NRP2: variants seen among roughly 807,000 people sequenced by gnomAD.
NRP2 encodes neuropilin-2.
A neutral mutation model predicts 110.4 loss-of-function variants in NRP2; 52 were observed. That is an observed-to-expected ratio of 0.47 (90% CI 0.38 to 0.59). The LOEUF (loss-of-function observed/expected upper bound fraction) is 0.59, where lower values mean the gene tolerates loss of function less well. Ranked by LOEUF, NRP2 falls within the 20% of genes least tolerant of loss-of-function variation. The pLI is 0.00. For missense variants in NRP2, 1,049 were observed against 1,203.0 expected (o/e 0.87, Z 1.89); for synonymous variants, 508 against 468.9 (o/e 1.08, Z -1.08).
At chr2:205,700,310 G>A (rs375427796) in intron 2 of NRP2, among the ~76,000 whole-genome samples, 4 of 152,148 alleles carry the variant, frequency 2.6e-5, no homozygotes, top group South Asian at 2.1e-4. Flanking sequence ...ATTGGATTTG[G>A]CTCTGCAGGC....
rs554169810 is a variant in NRP2 at position 205,697,884 on chromosome 2, A to G, written c.251+163A>G. On this transcript the variant is annotated intron_variant, in intron 2 of 16. Transcript: ENST00000357785. ...AAACCTCAAGGGGCATTCCCTTTCC[A>G]GGGAAATAAAGGTGTGGCTGATCCC... The G allele has an allele frequency of 4.4e-4, 326 of 743,544 alleles. 6 individuals are homozygous for G. In the South Asian group the frequency reaches 4.7e-3, roughly 11 times the overall value. The allele number at this position is 743,544 out of a possible 1,614,324, so 46.1% of individuals were successfully genotyped here. A position where few individuals can be genotyped will look rare whatever the true frequency, so the allele number is the denominator to read the frequency against.
intron 7 of NRP2, among the ~76,000 whole-genome samples, chr2:205,739,738 GC>G (rs2057407975): frequency 6.7e-6 from 1 of 148,448 alleles, no homozygotes. Flanking sequence ...GGTCCATATG[GC>G]AGTTATTGAT....
rs547358339 is a variant in NRP2 at position 205,729,309 on chromosome 2, C to T, written c.1146+1263C>T. Among the ~76,000 whole-genome samples, 12 of 152,330 alleles carry T rather than the reference C, an allele frequency of 7.9e-5. No homozygotes were observed. The South Asian group carries it at 1.2e-3, about 16-fold the overall frequency. Reference sequence around the variant, plus strand: ...TCTCACACACATGCACACAATTGCCCGATTTCCACGATAAGGAAAGTGAGG... The same window carrying T: ...TCTCACACACATGCACACAATTGCCTGATTTCCACGATAAGGAAAGTGAGG... On this transcript the variant is annotated intron_variant, in intron 7 of 16. Transcript: ENST00000357785.
In NRP2 at chr2:205,795,240, G is replaced by T. The variant is rs113261699; in HGVS notation, c.*182G>T. 1,409 of 691,942 alleles carry T rather than the reference G, an allele frequency of 2.0e-3. 11 individuals are homozygous for T. The African/African-American group carries it at 0.021, about 10-fold the overall frequency. The allele number at this position is 691,942 out of a possible 1,614,324, so 42.9% of individuals were successfully genotyped here. ...GGAAGGGAGATGCAGCCGCACAGGG[G>T]ATGATTACCCTCCTAGGACCGCGGT... On this transcript the variant is annotated 3_prime_UTR_variant, in exon 17 of 17. Transcript: ENST00000357785.
Position 205,795,235 on chromosome 2 carries a change from C to A in NRP2, c.*177C>A. 1.4e-6 allele frequency: 1 copy of A among 710,568 alleles called. No individual in the cohort carries two copies. The highest frequency in any genetic ancestry group is 2.4e-6 in the Non-Finnish European group (1 of 411,002). The allele number at this position is 710,568 out of a possible 1,614,324, so 44.0% of individuals were successfully genotyped here. On this transcript the variant is annotated 3_prime_UTR_variant, in exon 17 of 17. Transcript: ENST00000357785. ...CAGGAGGAAGGGAGATGCAGCCGCA[C>A]AGGGGATGATTACCCTCCTAGGACC...
At position 205,783,927 on chromosome 2, in the gene NRP2, A is replaced by G. The variant is rs150982931; in HGVS notation, c.2426-8308A>G. Among the ~76,000 whole-genome samples, 940 of 151,760 alleles carry G rather than the reference A, an allele frequency of 6.2e-3. 2 individuals are homozygous for G. Among genetic ancestry groups the G allele is most frequent in the Non-Finnish European group, 9.8e-3 (668 of 67,872 alleles). Reference sequence around the variant, plus strand: ...CCAGGACCATTGCCTCCTGGGCATGAGGTATGAGTATTTAACTCAGGAAAG... The same window carrying G: ...CCAGGACCATTGCCTCCTGGGCATGGGGTATGAGTATTTAACTCAGGAAAG... On this transcript the variant is annotated intron_variant, in intron 15 of 16. Coordinates refer to ENST00000357785, the MANE Select transcript of NRP2 (RefSeq NM_003872.3).
In NRP2 at chr2:205,682,639, G is replaced by GCCA. The variant is rs1380202196; in HGVS notation, c.-649_-647dup. On this transcript the variant is annotated 5_prime_UTR_variant, in exon 1 of 17. Coordinates refer to ENST00000357785, the MANE Select transcript of NRP2 (RefSeq NM_003872.3). This position sits in a 1 kb window ranked among gnomAD's most constrained non-coding sequence, Gnocchi z 4.3. ...CGCTCACTCCCAGGCGATCCCAGCC[G>GCCA]CCACCGCCGCCGCACCAGCAGCAGC... 7 of 167,026 alleles carry GCCA rather than the reference G, an allele frequency of 4.2e-5. No individual in the cohort carries two copies. The highest frequency in any genetic ancestry group is 8.8e-5 in the Non-Finnish European group (7 of 79,332). The allele number at this position is 167,026 out of a possible 1,614,324, so 10.3% of individuals were successfully genotyped here.
chr2:205,687,488 C>A (rs2056199327), intron 1 of NRP2, among the ~76,000 whole-genome samples: 1 of 152,202 alleles, frequency 6.6e-6, no homozygotes, highest in African/African-American at 2.4e-5. Flanking sequence ...TGGCCAGTTG[C>A]CAGCAGAGCA....
Position 205,752,892 on chromosome 2 carries a change from C to T in NRP2, c.1961C>T (p.Pro654Leu), listed in dbSNP as rs1200090381. The stretch of plus-strand genomic sequence containing the variant: ...TGCAACTTCGATTTCCTCGAGGAGC[C>T]CTGTGGTTGGATGTATGACCATGCC... ...FNCNFDFLEEPCGWMYDHAKW... is the reference protein window; with the variant it reads ...FNCNFDFLEELCGWMYDHAKW... The change falls in exon 12 of 17, where the codon CCC (proline) becomes CTC (leucine). Residue 654 changes from proline (P) to leucine (L), a missense_variant. Coordinates refer to ENST00000357785, the MANE Select transcript of NRP2 (RefSeq NM_003872.3). The T allele has an allele frequency of 1.9e-6, 3 of 1,614,084 alleles. No individual in the cohort carries two copies. Among genetic ancestry groups the T allele is most frequent in the South Asian group, 1.1e-5 (1 of 91,094 alleles).
chr2:205,697,052 G>A (rs1398001778), intron 1 of NRP2, among the ~76,000 whole-genome samples: 4 of 152,144 alleles, frequency 2.6e-5, no homozygotes, highest in Middle Eastern at 3.2e-3. Flanking sequence ...CTCGCTTGTG[G>A]GTCGGCACCA....
At chr2:205,721,595 C>G (rs137896482) in intron 3 of NRP2, among the ~76,000 whole-genome samples, 1 of 152,226 alleles carries the variant, frequency 6.6e-6, no homozygotes, top group East Asian at 1.9e-4. Flanking sequence ...CTTATGAGCT[C>G]CTGTTCCTGC....
chr2:205,696,751 G>A (rs139044850), intron 1 of NRP2, among the ~76,000 whole-genome samples: 1 of 152,316 alleles, frequency 6.6e-6, no homozygotes, highest in African/African-American at 2.4e-5. Context: ...TGGTGACCAG[G>A]CAGGAGGGAC....
intron 2 of NRP2, among the ~76,000 whole-genome samples, chr2:205,698,451 G>T (rs1287351363): frequency 2.0e-5 from 3 of 152,174 alleles, no homozygotes; most frequent in Non-Finnish European, 4.4e-5. Flanking sequence ...GGTTAGGTCA[G>T]TCACCCAAGG....
At chr2:205,707,190 G>A (rs144518677) in intron 2 of NRP2, among the ~76,000 whole-genome samples, 43 of 152,388 alleles carry the variant, frequency 2.8e-4, no homozygotes, top group Non-Finnish European at 4.3e-4. Flanking sequence ...GGGATGGGGA[G>A]AGAAGGTGAA....
intron 15 of NRP2, among the ~76,000 whole-genome samples, chr2:205,784,531 TGCCTCATTC>T (rs2058214484): frequency 6.6e-6 from 1 of 152,184 alleles, no homozygotes; most frequent in South Asian, 2.1e-4. Flanking sequence ...GCCCCAGAGA[TGCCTCATTC>T]GCCTTGGCCA....
At chr2:205,726,103 G>A (rs2057123199) in intron 6 of NRP2, 21 bp downstream of exon 6, 1 of 1,613,502 alleles carries the variant, frequency 6.2e-7, no homozygotes, top group South Asian at 1.1e-5. Context: ...AGATACCAGA[G>A]GATGTGAGAG....
At chr2:205,713,692 A>G (rs1316310062) in intron 2 of NRP2, among the ~76,000 whole-genome samples, 1 of 152,218 alleles carries the variant, frequency 6.6e-6, no homozygotes, top group Non-Finnish European at 1.5e-5. Flanking sequence ...CCTGCAGACT[A>G]TTGATTGTAG....
At chr2:205,758,269 TC>T (rs949776054) in intron 12 of NRP2, among the ~76,000 whole-genome samples, 2 of 152,164 alleles carry the variant, frequency 1.3e-5, no homozygotes, top group African/African-American at 4.8e-5. Context: ...AAATATTCTT[TC>T]AGATGGTCGT....
At chr2:205,695,657 C>G (rs1217735856) in intron 1 of NRP2, among the ~76,000 whole-genome samples, 1 of 152,212 alleles carries the variant, frequency 6.6e-6, no homozygotes, top group Admixed American at 6.5e-5. Flanking sequence ...TGCAAAATAT[C>G]TGGCAGAGGA....
Sources: allele counts gnomAD v4.1 joint callset (sites outside exome capture counted in the v4.1 genomes callset), GRCh38; gene constraint gnomAD v4.1.1; non-coding constraint Gnocchi (gnomAD v3.1); transcripts MANE v1.5; gene names NCBI Gene and HGNC (gene_info 2026-07-23, HGNC 2026-07-21).